The following FHL2 variants were observed in gnomAD, a reference collection of about 807,000 sequenced individuals.
FHL2 encodes four and a half LIM domains 2.
FHL2 carries 20 observed loss-of-function variants against 32.7 expected under a neutral mutation model. The ratio of observed to expected loss-of-function variants is 0.61; its 90% confidence interval spans 0.43 to 0.89. The LOEUF (loss-of-function observed/expected upper bound fraction) is 0.89. FHL2 is among the 40% of genes least tolerant of loss of function. The pLI is 0.00. For missense variants in FHL2, 311 were observed against 358.6 expected (o/e 0.87, Z 1.07); for synonymous variants, 123 against 128.1 (o/e 0.96, Z 0.27).
intron 3 of FHL2, among the ~76,000 whole-genome samples, chr2:105,380,369 C>T (rs776309414): frequency 6.6e-6 from 1 of 152,130 alleles, no homozygotes; most frequent in Non-Finnish European, 1.5e-5. Context: ...TTCTTTTCTT[C>T]TATCTATCTG....
chr2:105,397,561 G>A (rs1683226086), intron 1 of FHL2, among the ~76,000 whole-genome samples: 1 of 148,710 alleles, frequency 6.7e-6, no homozygotes, highest in Admixed American at 6.6e-5. Context: ...TTTGTGAGAC[G>A]GTGAGCTAAA....
chr2:105,358,741 C>G (rs1218724727), downstream of FHL2: 1 of 152,202 alleles, frequency 6.6e-6, no homozygotes, highest in Non-Finnish European at 1.5e-5. Context: ...CAGCTAAGCC[C>G]TGCAAACCAC....
At chr2:105,379,855 G>A (rs867317300) in intron 3 of FHL2, among the ~76,000 whole-genome samples, 27 of 152,296 alleles carry the variant, frequency 1.8e-4, no homozygotes, top group Middle Eastern at 6.8e-3. Context: ...CCTTGGCCAG[G>A]GCAATGCTGG....
intron 3 of FHL2, among the ~76,000 whole-genome samples, chr2:105,382,572 A>G (rs1681975452): frequency 6.6e-6 from 1 of 152,268 alleles, no homozygotes; most frequent in Admixed American, 6.5e-5. Flanking sequence ...CATGCAGTTT[A>G]GGCATTTACA....
At chr2:105,360,604 C>T (rs534985326), downstream of FHL2, 1 of 152,508 alleles carries the variant, frequency 6.6e-6, no homozygotes, top group South Asian at 2.1e-4. Context: ...GATCCACCCG[C>T]CTTGGCCTCC....
Position 105,363,380 on chromosome 2 carries a change from T to C in FHL2, c.593A>G (p.Gln198Arg), listed in dbSNP as rs143604095. The C allele has an allele frequency of 3.1e-6, 5 of 1,614,124 alleles. No individual in the cohort carries two copies. Among genetic ancestry groups the C allele is most frequent in the Non-Finnish European group, 4.2e-6 (5 of 1,180,016 alleles). Residue 198 changes from glutamine (Q) to arginine (R), a missense_variant, in exon 6 of 7, where the codon CAG (glutamine) becomes CGG (arginine). Transcript: ENST00000530340. ...CTACRKQLSG[Q>R]RFTARDDFAY... ...AAAGTCATCGCGAGCTGTGAAGCGCTGCCCAGACAGCTGCTTCCTGCAGGC... is the reference window on the plus strand; with the variant it reads ...AAAGTCATCGCGAGCTGTGAAGCGCCGCCCAGACAGCTGCTTCCTGCAGGC...
chr2:105,378,249 C>A (rs951446519), intron 3 of FHL2: 1 of 463,062 alleles, frequency 2.2e-6, no homozygotes, highest in African/African-American at 2.0e-5. Flanking sequence ...TTCATTGACA[C>A]GTGACACTTG....
intron 1 of FHL2, among the ~76,000 whole-genome samples, chr2:105,405,811 A>G (rs1034049884): frequency 6.6e-6 from 1 of 152,242 alleles, no homozygotes; most frequent in African/African-American, 2.4e-5. Context: ...AGGAGCTCCT[A>G]TGGAGCAGTG....
chr2:105,368,984 G>A (rs1017845088), intron 4 of FHL2, among the ~76,000 whole-genome samples: 3 of 152,200 alleles, frequency 2.0e-5, no homozygotes, highest in Admixed American at 6.5e-5. Context: ...GTTTACATCC[G>A]CTTTTAAGCT....
chr2:105,365,951 T>TCCCAG (rs1385172475), intron 5 of FHL2, among the ~76,000 whole-genome samples: 4 of 152,112 alleles, frequency 2.6e-5, no homozygotes, highest in African/African-American at 9.7e-5. Context: ...ACGCCTGTAA[T>TCCCAG]CCCAGCACTT....
At chr2:105,362,190 C>T (rs1285637545) in intron 6 of FHL2, among the ~76,000 whole-genome samples, 2 of 152,200 alleles carry the variant, frequency 1.3e-5, no homozygotes, top group Non-Finnish European at 2.9e-5. Flanking sequence ...TGAATATGTT[C>T]TGGCAAAAGA....
intron 1 of FHL2, among the ~76,000 whole-genome samples, chr2:105,433,346 A>G (rs768325947): frequency 7.9e-5 from 12 of 151,776 alleles, no homozygotes; most frequent in Non-Finnish European, 1.3e-4. Context: ...ATGCCCAGCT[A>G]ATTTTGGTAT....
intron 3 of FHL2, among the ~76,000 whole-genome samples, chr2:105,376,960 G>A (rs533797871): frequency 6.6e-6 from 1 of 152,216 alleles, no homozygotes; most frequent in African/African-American, 2.4e-5. Flanking sequence ...GAGATACTTA[G>A]GGAAGTCACA....
At chr2:105,379,622 C>T (rs1186880800) in intron 3 of FHL2, among the ~76,000 whole-genome samples, 1 of 152,214 alleles carries the variant, frequency 6.6e-6, no homozygotes, top group Non-Finnish European at 1.5e-5. Context: ...TCCGACAAAA[C>T]TAAACTGTGC....
chr2:105,380,283 A>G (rs1681791642), intron 3 of FHL2, among the ~76,000 whole-genome samples: 1 of 152,066 alleles, frequency 6.6e-6, no homozygotes, highest in Non-Finnish European at 1.5e-5. Context: ...CATTGATTAG[A>G]CCCGGGTGCC....
upstream of FHL2, among the ~76,000 whole-genome samples, chr2:105,400,935 C>T (rs760180895): frequency 2.6e-5 from 4 of 151,622 alleles, no homozygotes; most frequent in Non-Finnish European, 2.9e-5. Context: ...CAGTAAAATC[C>T]GGACTCTGGA....
chr2:105,410,446 T>C (rs537575815), intron 1 of FHL2, among the ~76,000 whole-genome samples: 38 of 152,266 alleles, frequency 2.5e-4, no homozygotes, highest in African/African-American at 8.7e-4. Context: ...TGAGCCTGTG[T>C]CAGGGGCCAT....
intron 3 of FHL2, among the ~76,000 whole-genome samples, chr2:105,384,834 G>A (rs1029807896): frequency 4.6e-5 from 7 of 152,318 alleles, no homozygotes; most frequent in Admixed American, 4.6e-4. Flanking sequence ...TATAGATGTG[G>A]AGATGTGCAC....
At chr2:105,422,742 T>C (rs1368109446) in intron 1 of FHL2, among the ~76,000 whole-genome samples, 1 of 152,112 alleles carries the variant, frequency 6.6e-6, no homozygotes, top group Non-Finnish European at 1.5e-5. Context: ...TTTAGGTTGA[T>C]TTTTTTGTCC....
Sources: gnomAD v4.1 joint callset for allele counts (sites outside exome capture counted in the v4.1 genomes callset) on GRCh38, gnomAD v4.1.1 for gene constraint, MANE v1.5 for transcripts, NCBI Gene and HGNC (gene_info 2026-07-23, HGNC 2026-07-21) for gene names.